INSR: variants seen among roughly 807,000 people sequenced by gnomAD.
The protein encoded by INSR is insulin receptor.
A neutral mutation model predicts 142.6 loss-of-function variants in INSR; 67 were observed. The observed-to-expected ratio is 0.47, with a 90% CI of 0.39 to 0.58. INSR has a LOEUF of 0.58. Ranked by LOEUF, INSR falls within the 20% of genes least tolerant of loss-of-function variation. INSR has a pLI of 0.00. For missense variants in INSR, 1,248 were observed against 1,833.2 expected (o/e 0.68, Z 5.83); for synonymous variants, 756 against 743.1 (o/e 1.02, Z -0.28).
Position 7,150,681 on chromosome 19 carries a change from G to A in INSR, c.2232-149C>T. The A allele has an allele frequency of 1.4e-6, 1 of 738,936 alleles. No individual in the cohort carries two copies. Among genetic ancestry groups the A allele is most frequent in the South Asian group, 1.5e-5 (1 of 67,704 alleles). The allele number at this position is 738,936 out of a possible 1,614,324, so 45.8% of individuals were successfully genotyped here. Reference sequence around the variant, plus strand: ...TCGCTCCCATCACTTGCTAGACGGAGTGAGCTACATCTTCCCCAGCAGGTG... The same window carrying A: ...TCGCTCCCATCACTTGCTAGACGGAATGAGCTACATCTTCCCCAGCAGGTG... On this transcript the variant is annotated intron_variant, in intron 10 of 21. Transcript: ENST00000302850. This position sits in a 1 kb window ranked among gnomAD's most constrained non-coding sequence, Gnocchi z 4.2.
At position 7,119,843 on chromosome 19, in the gene INSR, AACACAC is replaced by A. The variant is rs66587318; in HGVS notation, c.3660-266_3660-261del. 1.8e-5 allele frequency among the ~76,000 whole-genome samples: 2 copies of A among 114,062 alleles called. No individual in the cohort carries two copies. The highest frequency in any genetic ancestry group is 4.0e-5 in the Non-Finnish European group (2 of 50,206). 74.8% of individuals were successfully genotyped at this position (114,062 alleles called of 152,430 possible). A position where few individuals can be genotyped will look rare whatever the true frequency, so the allele number is the denominator to read the frequency against. ...ATACACACACAAACACACACACCCA[AACACAC>A]ACACGCACACACATGCAAACACACA... On this transcript the variant is annotated intron_variant, in intron 20 of 21. Coordinates refer to ENST00000302850, the MANE Select transcript of INSR (RefSeq NM_000208.4). This position sits in a 1 kb window ranked among gnomAD's most constrained non-coding sequence, Gnocchi z 5.2.
intron 2 of INSR, among the ~76,000 whole-genome samples, chr19:7,226,456 T>G (rs1600058688): frequency 7.0e-6 from 1 of 143,350 alleles, no homozygotes; most frequent in South Asian, 2.2e-4. Flanking sequence ...CCAACTGCAG[T>G]GGCTCCTGCC....
chr19:7,163,586 A>C (rs1185425028), intron 8 of INSR, among the ~76,000 whole-genome samples: 1 of 151,772 alleles, frequency 6.6e-6, no homozygotes, highest in Non-Finnish European at 1.5e-5. Flanking sequence ...AAAAAGAAAA[A>C]AAAAACCACC....
rs370773016 is a variant in INSR, at chr19:7,163,004, C to T, written c.2029+28G>A. On this transcript the variant is annotated intron_variant, in intron 9 of 21. Transcript: ENST00000302850. ...TCAGACACACGTGTGCAAACCCCAC[C>T]GATCCTAGCACAGCTGCCTGCACTC... The T allele has an allele frequency of 3.9e-5, 63 of 1,611,850 alleles. 1 individual carries two copies. In the African/African-American group the frequency reaches 6.4e-4, roughly 16 times the overall value.
intron 1 of INSR, chr19:7,268,410 T>C (rs1967808047): frequency 2.0e-6 from 2 of 984,842 alleles, no homozygotes; most frequent in African/African-American, 1.7e-5. Flanking sequence ...AATTACCTTT[T>C]ACCTGGGTGT....
intron 3 of INSR, among the ~76,000 whole-genome samples, chr19:7,176,442 A>G (rs549193686): frequency 6.6e-6 from 1 of 152,206 alleles, no homozygotes; most frequent in Non-Finnish European, 1.5e-5. Flanking sequence ...CTCTACTAAA[A>G]ATACAAAAAT....
intron 11 of INSR, among the ~76,000 whole-genome samples, chr19:7,144,717 T>C (rs1235481353): frequency 6.6e-6 from 1 of 151,978 alleles, no homozygotes; most frequent in East Asian, 1.9e-4. Context: ...TTTTTTTTTT[T>C]TTGCTGTTAT....
At chr19:7,285,552 T>C (rs934043914) in intron 1 of INSR, among the ~76,000 whole-genome samples, 2 of 151,986 alleles carry the variant, frequency 1.3e-5, no homozygotes, top group African/African-American at 4.8e-5. Flanking sequence ...AGGAGGATCG[T>C]TGATGCTCAA....
chr19:7,152,968 G>T, intron 9 of INSR, 41 bp from the exon 10 acceptor site: 2 of 1,425,422 alleles, frequency 1.4e-6, no homozygotes, highest in Non-Finnish European at 1.9e-6. Flanking sequence ...AGTCTCTGCG[G>T]CTGAACACAC....
intron 2 of INSR, among the ~76,000 whole-genome samples, chr19:7,231,294 TG>T (rs1405885845): frequency 3.1e-4 from 8 of 25,976 alleles, no homozygotes; most frequent in South Asian, 2.0e-3. Flanking sequence ...TGGTGTTTTT[TG>T]TTTTTTTTTT....
intron 11 of INSR, among the ~76,000 whole-genome samples, chr19:7,144,712 T>A (rs1973149298): frequency 6.6e-6 from 1 of 151,980 alleles, no homozygotes; most frequent in African/African-American, 2.4e-5. Flanking sequence ...CTCTTTTTTT[T>A]TTTTTTTGCT....
At chr19:7,206,721 C>G (rs1295931345) in intron 2 of INSR, among the ~76,000 whole-genome samples, 1 of 152,164 alleles carries the variant, frequency 6.6e-6, no homozygotes, top group Non-Finnish European at 1.5e-5. Flanking sequence ...CCAGTGCAGT[C>G]CAGCCTGGGT....
At position 7,279,639 on chromosome 19, in the gene INSR, G is replaced by A. The variant is rs921992247; in HGVS notation, c.101-11743C>T. ...AGGTACGGATGCTGGTGGACGCAGT[G>A]ACAACAGGTGATATTGCAGGAAAGG... On this transcript the variant is annotated intron_variant, in intron 1 of 21. Coordinates refer to ENST00000302850, the MANE Select transcript of INSR (RefSeq NM_000208.4). 3.3e-5 allele frequency among the ~76,000 whole-genome samples: 5 copies of A among 151,746 alleles called. No individual in the cohort carries two copies. In the South Asian group the frequency reaches 8.3e-4, roughly 25 times the overall value.
In INSR at chr19:7,141,695, A is replaced by G. The variant is rs1376172136; in HGVS notation, c.2664T>C (p.Tyr888=). 6.2e-7 allele frequency: 1 copy of G among 1,614,080 alleles called. No individual in the cohort carries two copies. The highest frequency in any genetic ancestry group is 1.3e-5 in the African/African-American group (1 of 74,938). ...GCCTTACCTCATCACCATATCGCCGATAACTCACTTCATACAGCACGATCA... is the reference window on the plus strand; with the variant it reads ...GCCTTACCTCATCACCATATCGCCGGTAACTCACTTCATACAGCACGATCA... The part of the protein sequence containing the change: ...NGLIVLYEVS[Y]RRYGDEELHL... Residue 888 remains tyrosine, a synonymous_variant, in exon 13 of 22, where the codon TAT becomes TAC. Coordinates refer to ENST00000302850, the MANE Select transcript of INSR (RefSeq NM_000208.4).
In INSR at chr19:7,232,081, G is replaced by T. The variant is rs578125085; in HGVS notation, c.652+35264C>A. ...TCATTGTAACACCTCATTCCCGGGGGTACTGGGAATTCACTGGAAAGGGCT... is the reference window on the plus strand; with the variant it reads ...TCATTGTAACACCTCATTCCCGGGGTTACTGGGAATTCACTGGAAAGGGCT... On this transcript the variant is annotated intron_variant, in intron 2 of 21. Coordinates refer to ENST00000302850, the MANE Select transcript of INSR (RefSeq NM_000208.4). Among the ~76,000 whole-genome samples, 37 of 152,166 alleles carry T rather than the reference G, an allele frequency of 2.4e-4. No individual in the cohort carries two copies. The South Asian group carries it at 3.1e-3, about 13-fold the overall frequency.
rs1338204737 is a variant in INSR, at chr19:7,159,092, G to A, written c.2029+3940C>T. On this transcript the variant is annotated intron_variant, in intron 9 of 21. Transcript: ENST00000302850. This position sits in a 1 kb window ranked among gnomAD's most constrained non-coding sequence, Gnocchi z 4.3. Reference sequence around the variant, plus strand: ...TAATTTTTGTATTTTTAGTAGAGACGGGGTTTCACCATGTTGCCCAGGCTG... The same window carrying A: ...TAATTTTTGTATTTTTAGTAGAGACAGGGTTTCACCATGTTGCCCAGGCTG... Among the ~76,000 whole-genome samples the A allele has an allele frequency of 4.6e-5, 7 of 151,944 alleles. No individual in the cohort carries two copies. The highest frequency in any genetic ancestry group is 1.9e-4 in the East Asian group (1 of 5,166).
intron 2 of INSR, among the ~76,000 whole-genome samples, chr19:7,261,520 C>G (rs1214242699): frequency 6.6e-6 from 1 of 151,740 alleles, no homozygotes; most frequent in Middle Eastern, 3.2e-3. Flanking sequence ...TCTTTTAATT[C>G]CCCTAACCAT....
In INSR at chr19:7,119,299, C is replaced by G; in HGVS notation, c.3794+150G>C. 2 of 897,318 alleles carry G rather than the reference C, an allele frequency of 2.2e-6. No individual in the cohort carries two copies. Among genetic ancestry groups the G allele is most frequent in the Non-Finnish European group, 3.7e-6 (2 of 547,246 alleles). 55.6% of individuals were successfully genotyped at this position (897,318 alleles called of 1,614,324 possible). On this transcript the variant is annotated intron_variant, in intron 21 of 21. Coordinates refer to ENST00000302850, the MANE Select transcript of INSR (RefSeq NM_000208.4). This position sits in a 1 kb window ranked among gnomAD's most constrained non-coding sequence, Gnocchi z 5.2. The stretch of plus-strand genomic sequence containing the variant: ...GCAAATGCAAGCATGCATGTAAAGA[C>G]AAGCTATGCAAACACAAACACACCT...
rs1245619481 is a variant in INSR, at chr19:7,270,314, ATT to A, written c.101-2420_101-2419del. 1.1e-4 allele frequency among the ~76,000 whole-genome samples: 12 copies of A among 112,080 alleles called. No homozygotes were observed. In the East Asian group the frequency reaches 3.1e-3, roughly 29 times the overall value. 73.5% of individuals were successfully genotyped at this position (112,080 alleles called of 152,430 possible). A position where few individuals can be genotyped will look rare whatever the true frequency, so the allele number is the denominator to read the frequency against. On this transcript the variant is annotated intron_variant, in intron 1 of 21. Transcript: ENST00000302850. ...AACCCTGAGTCCCACACTATATTTC[ATT>A]TCTCTCTCTCTCTCTCTCTCTCTCA...
Sources: allele counts gnomAD v4.1 joint callset (sites outside exome capture counted in the v4.1 genomes callset), GRCh38; gene constraint gnomAD v4.1.1; non-coding constraint Gnocchi (gnomAD v3.1); transcripts MANE v1.5; gene names NCBI Gene and HGNC (gene_info 2026-07-23, HGNC 2026-07-21).